Variants in KIF4A observed in about 807,000 individuals in gnomAD.
KIF4A encodes kinesin family member 4A.
In KIF4A, 7 loss-of-function variants were observed where a neutral mutation model predicts 105.9. That is an observed-to-expected ratio of 0.07 (90% CI 0.04 to 0.12). The LOEUF is 0.12. Ranked by LOEUF, KIF4A falls within the 10% of genes least tolerant of loss-of-function variation. The probability of loss-of-function intolerance (pLI) is 1.00; values close to 1 mark genes in which losing one functional copy is unlikely to be tolerated. For synonymous variants in KIF4A, 281 were observed against 331.3 expected, an observed-to-expected ratio of 0.85 and a Z score of 1.65; for missense variants, 558 against 929.2, an observed-to-expected ratio of 0.60 and a Z score of 5.19.
chrX:70,420,345 C>T lies in KIF4A; in HGVS notation c.*80C>T, dbSNP rs765301240. 7.3e-5 allele frequency: 79 copies of T among 1,076,497 alleles called. No homozygotes were observed. The highest frequency in any genetic ancestry group is 9.4e-5 in the Non-Finnish European group (77 of 816,841). The allele number at this position is 1,076,497 out of a possible 1,213,427, so 88.7% of individuals were successfully genotyped here. On this transcript the variant is annotated 3_prime_UTR_variant, in exon 31 of 31. Transcript: ENST00000374403. ...CAGCCAGAAGGGGTTTTTTAAATGA[C>T]TTCTCTGGATTTCAGGTTTCTTGCT...
Position 70,405,890 on chromosome X carries a change from T to C in KIF4A, c.2961T>C (p.Asn987=). 8.3e-7 allele frequency: 1 copy of C among 1,205,771 alleles called. No homozygotes were observed. Among genetic ancestry groups the C allele is most frequent in the Admixed American group, 2.2e-5 (1 of 45,920 alleles). ...AAAATCAGCAGCTTCTCCGAGAGAA[T>C]GAAATCATCAAGCAGGTAATACAGT... ...CEQNQQLLRE[N]EIIKQKLTLL... The change falls in exon 26 of 31, where the codon AAT becomes AAC. Residue 987 remains asparagine, a synonymous_variant. Coordinates refer to ENST00000374403, the MANE Select transcript of KIF4A (RefSeq NM_012310.5).
chrX:70,346,956 T>C (rs1321612067), intron 13 of KIF4A, among the ~76,000 whole-genome samples: 1 of 112,122 alleles, frequency 8.9e-6, no homozygotes, highest in East Asian at 2.8e-4. Context: ...TTTTCCATTA[T>C]AAAGGCAACC....
chrX:70,296,457 A>T (rs748383785), intron 3 of KIF4A, among the ~76,000 whole-genome samples: 6 of 112,240 alleles, frequency 5.3e-5, no homozygotes, highest in Non-Finnish European at 7.5e-5. Flanking sequence ...TGCTTAAATG[A>T]TGATATTTCT....
intron 15 of KIF4A, among the ~76,000 whole-genome samples, chrX:70,365,871 C>G (rs1161030549): frequency 2.7e-5 from 3 of 111,454 alleles, no homozygotes; most frequent in Non-Finnish European, 3.8e-5. Context: ...TCCATCTGGT[C>G]CTGGACTTTT....
At chrX:70,418,079 A>T (rs1347114168) in intron 29 of KIF4A, 75 bp downstream of exon 29, 7 of 868,860 alleles carry the variant, frequency 8.1e-6, no homozygotes, top group South Asian at 2.4e-5. Flanking sequence ...TCTGCCTTCC[A>T]TCCTGAAACC....
intron 7 of KIF4A, among the ~76,000 whole-genome samples, chrX:70,304,042 A>C (rs1463153767): frequency 1.1e-5 from 1 of 88,078 alleles, no homozygotes; most frequent in Non-Finnish European, 2.2e-5. Context: ...GCACCCATTA[A>C]CTCGTCATTT....
At chrX:70,404,455 G>A (rs774307169) in intron 24 of KIF4A, among the ~76,000 whole-genome samples, 1 of 110,454 alleles carries the variant, frequency 9.1e-6, no homozygotes, top group Non-Finnish European at 1.9e-5. Context: ...TGGGAGAATC[G>A]CTTGAACCCG....
At chrX:70,303,940 A>T (rs2085814649) in intron 7 of KIF4A, among the ~76,000 whole-genome samples, 1 of 98,961 alleles carries the variant, frequency 1.0e-5, no homozygotes, top group African/African-American at 3.6e-5. Context: ...ATTTTATTTT[A>T]TTATTATTAT....
chrX:70,334,486 C>G (rs2085943116), intron 10 of KIF4A, among the ~76,000 whole-genome samples: 1 of 112,290 alleles, frequency 8.9e-6, no homozygotes, highest in Non-Finnish European at 1.9e-5. Flanking sequence ...AAACCCAGCT[C>G]TCATCTGCAA....
At chrX:70,385,609 A>G (rs1479085666) in intron 18 of KIF4A, among the ~76,000 whole-genome samples, 1 of 112,010 alleles carries the variant, frequency 8.9e-6, no homozygotes, top group Non-Finnish European at 1.9e-5. Flanking sequence ...AGTAAATATT[A>G]TATTGTTGAA....
intron 15 of KIF4A, among the ~76,000 whole-genome samples, chrX:70,365,750 G>A (rs2086099796): frequency 9.0e-6 from 1 of 111,583 alleles, no homozygotes; most frequent in East Asian, 2.8e-4. Flanking sequence ...GGATGATGCT[G>A]GCCTCATAAA....
chrX:70,375,252 T>C lies in KIF4A; in HGVS notation c.1827T>C (p.Ile609=). The part of the protein sequence containing the change: ...RKRLQELEGQ[I]ADLKKKLNEQ... ...GTCTCCAGGAGCTGGAGGGTCAAAT[T>C]GCTGATCTGAAGAAGAAACTGAATG... is the stretch of plus-strand genomic sequence containing the variant. Residue 609 remains isoleucine, a synonymous_variant, in exon 17 of 31, where the codon ATT becomes ATC. Transcript: ENST00000374403. 8.3e-7 allele frequency: 1 copy of C among 1,211,259 alleles called. No homozygotes were observed. The highest frequency in any genetic ancestry group is 1.1e-6 in the Non-Finnish European group (1 of 895,327).
intron 15 of KIF4A, among the ~76,000 whole-genome samples, chrX:70,369,676 A>G (rs1199375513): frequency 1.8e-5 from 2 of 112,073 alleles, no homozygotes; most frequent in East Asian, 2.8e-4. Context: ...AGATCTGTAT[A>G]TGCTGATATA....
intron 7 of KIF4A, among the ~76,000 whole-genome samples, chrX:70,319,088 C>T (rs1162420869): frequency 5.4e-5 from 6 of 111,305 alleles, no homozygotes; most frequent in Non-Finnish European, 9.4e-5. Flanking sequence ...CACGGTGAAA[C>T]CCCGTCTCTA....
intron 12 of KIF4A, 35 bp downstream of exon 12, chrX:70,343,796 T>C (rs752654823): frequency 2.1e-5 from 25 of 1,191,302 alleles, no homozygotes; most frequent in Admixed American, 4.4e-5. Flanking sequence ...TAGCAACCTA[T>C]AGCATCTTAG....
At chrX:70,390,238 G>A (rs1310787504) in intron 20 of KIF4A, among the ~76,000 whole-genome samples, 3 of 110,891 alleles carry the variant, frequency 2.7e-5, no homozygotes, top group African/African-American at 9.8e-5. Flanking sequence ...TGCAAATATG[G>A]ACAATTTTAT....
At chrX:70,372,670 CAGAGGG>C (rs907917852) in intron 15 of KIF4A, among the ~76,000 whole-genome samples, 26 of 107,132 alleles carry the variant, frequency 2.4e-4, no homozygotes, top group South Asian at 2.0e-3. Flanking sequence ...GAGAGGGAGA[CAGAGGG>C]AGAGGGAGAG....
At chrX:70,393,373 T>C (rs959533179) in intron 20 of KIF4A, among the ~76,000 whole-genome samples, 2 of 111,510 alleles carry the variant, frequency 1.8e-5, no homozygotes, top group African/African-American at 3.3e-5. Flanking sequence ...TTAGTAAATG[T>C]TCTATGTGTA....
At chrX:70,367,764 G>A (rs938892194) in intron 15 of KIF4A, among the ~76,000 whole-genome samples, 11 of 110,980 alleles carry the variant, frequency 9.9e-5, no homozygotes, top group South Asian at 3.8e-4. Flanking sequence ...TCTTTGTGGC[G>A]TTCTCTGTAT....
Sources: gnomAD v4.1 joint callset for allele counts (sites outside exome capture counted in the v4.1 genomes callset) on GRCh38, gnomAD v4.1.1 for gene constraint, MANE v1.5 for transcripts, NCBI Gene and HGNC (gene_info 2026-07-23, HGNC 2026-07-21) for gene names.